DAB1: variants seen among roughly 807,000 people sequenced by gnomAD.
DAB1 encodes DAB adaptor protein 1, also known as disabled homolog 1.
In DAB1, 15 loss-of-function variants were observed where a neutral mutation model predicts 64.6. The ratio of observed to expected loss-of-function variants is 0.23; its 90% CI spans 0.16 to 0.36. The LOEUF (loss-of-function observed/expected upper bound fraction) is 0.36, where lower values mean the gene tolerates loss of function less well. Among genes scored for constraint, DAB1 ranks in the 10% least tolerant of loss-of-function variants. DAB1 has a pLI of 1.00. For missense variants in DAB1, 596 were observed against 706.7 expected (o/e 0.84, Z 1.78); for synonymous variants, 235 against 251.9 (o/e 0.93, Z 0.64).
intron 5 of DAB1, among the ~76,000 whole-genome samples, chr1:58,097,602 G>A (rs564326490): frequency 8.0e-4 from 121 of 152,134 alleles, no homozygotes; most frequent in African/African-American, 2.8e-3. Flanking sequence ...AAATTGAGAG[G>A]TGAGTCTCCC....
intron 1 of DAB1, chr1:57,880,593 G>A (rs958962974): frequency 6.6e-6 from 1 of 152,052 alleles, no homozygotes; most frequent in African/African-American, 2.4e-5. Flanking sequence ...TATTTTGCCT[G>A]GGCTTCTGTC....
At chr1:57,819,084 A>G (rs1357550849) in intron 6 of DAB1, among the ~76,000 whole-genome samples, 1 of 152,198 alleles carries the variant, frequency 6.6e-6, no homozygotes, top group Non-Finnish European at 1.5e-5. Flanking sequence ...CTATATACAT[A>G]TTTGACTATA....
In DAB1 at chr1:58,296,155, A is replaced by AAAGG. The variant is rs1661970303; in HGVS notation, n.309+47196_309+47197insCCTT. Among the ~76,000 whole-genome samples the AAAGG allele has an allele frequency of 1.2e-4, 9 of 73,148 alleles. 1 individual carries two copies. The highest frequency in any genetic ancestry group is 3.1e-4 in the African/African-American group (9 of 29,174). The allele number at this position is 73,148 out of a possible 152,430, so 48.0% of individuals were successfully genotyped here. On this transcript the variant is annotated intron_variant and non_coding_transcript_variant, in intron 4 of 20. Coordinates refer to the DAB1 transcript ENST00000485760. ...AAAAGAAAGAAAGGAAAGAAAGAAAAAAGAAAGAAAGAAAGAAAAAAGAAA... is the reference window on the plus strand; with the variant it reads ...AAAAGAAAGAAAGGAAAGAAAGAAAAAAGGAAGAAAGAAAGAAAGAAAAAAGAAA...
At chr1:58,287,220 C>A (rs1427954571) in intron 4 of DAB1, among the ~76,000 whole-genome samples, 1 of 151,976 alleles carries the variant, frequency 6.6e-6, no homozygotes, top group South Asian at 2.1e-4. Flanking sequence ...GGGCTTAATA[C>A]CTAGGTGATG....
intron 4 of DAB1, among the ~76,000 whole-genome samples, chr1:58,249,515 G>T (rs1350753163): frequency 6.6e-6 from 1 of 152,188 alleles, no homozygotes; most frequent in East Asian, 1.9e-4. Context: ...TGGCGGGAGG[G>T]TTAAAATTAC....
At chr1:57,052,264 TG>T (rs1386804455) in intron 9 of DAB1, among the ~76,000 whole-genome samples, 8 of 152,258 alleles carry the variant, frequency 5.3e-5, no homozygotes, top group African/African-American at 1.9e-4. Context: ...ATATGGTTAG[TG>T]GCTTGGCATT....
intron 3 of DAB1, among the ~76,000 whole-genome samples, chr1:58,476,263 A>T (rs942076916): frequency 2.0e-5 from 3 of 152,162 alleles, no homozygotes; most frequent in African/African-American, 7.2e-5. Flanking sequence ...TGATAACACC[A>T]GAGATCACGT....
At chr1:57,587,666 G>A (rs530610003) in intron 7 of DAB1, among the ~76,000 whole-genome samples, 8 of 152,288 alleles carry the variant, frequency 5.3e-5, no homozygotes, top group South Asian at 2.1e-4. Flanking sequence ...CTGCAGGTCA[G>A]CTTAAATACT....
At chr1:57,144,702 A>G (rs987696984) in intron 3 of DAB1, among the ~76,000 whole-genome samples, 7 of 151,086 alleles carry the variant, frequency 4.6e-5, no homozygotes, top group Non-Finnish European at 1.0e-4. Flanking sequence ...TCAAAAAAAA[A>G]AAAAGAAAAA....
At chr1:57,590,719 A>T (rs532066106) in intron 7 of DAB1, among the ~76,000 whole-genome samples, 1 of 144,984 alleles carries the variant, frequency 6.9e-6, no homozygotes, top group Non-Finnish European at 1.5e-5. Context: ...GTGGGAAGGA[A>T]CACATTGTAG....
At chr1:58,412,762 C>A (rs1017060286) in intron 3 of DAB1, among the ~76,000 whole-genome samples, 1 of 152,210 alleles carries the variant, frequency 6.6e-6, no homozygotes, top group Non-Finnish European at 1.5e-5. Context: ...GAGCACTGGA[C>A]AGGAGGATTC....
chr1:57,311,031 TAGAC>T (rs1558141508), intron 1 of DAB1, among the ~76,000 whole-genome samples: 1 of 151,388 alleles, frequency 6.6e-6, no homozygotes, highest in African/African-American at 2.4e-5. Flanking sequence ...GACAGACAGA[TAGAC>T]AGCCAGATTG....
At chr1:58,455,228 A>G (rs954836299) in intron 3 of DAB1, among the ~76,000 whole-genome samples, 2 of 152,236 alleles carry the variant, frequency 1.3e-5, no homozygotes, top group African/African-American at 4.8e-5. Context: ...ATGACTTGTG[A>G]GCAAATGGAG....
intron 4 of DAB1, among the ~76,000 whole-genome samples, chr1:57,080,454 T>A (rs1652393897): frequency 6.6e-6 from 1 of 152,178 alleles, no homozygotes; most frequent in Non-Finnish European, 1.5e-5. Flanking sequence ...AAAATTTCAT[T>A]AATTTCTTTT....
chr1:57,865,344 C>A (rs891469286), intron 1 of DAB1, among the ~76,000 whole-genome samples: 1 of 152,110 alleles, frequency 6.6e-6, no homozygotes, highest in Non-Finnish European at 1.5e-5. Context: ...AGAATGAAGA[C>A]CACAACTTTT....
chr1:57,113,336 T>C (rs1655829731), intron 4 of DAB1, among the ~76,000 whole-genome samples: 1 of 152,232 alleles, frequency 6.6e-6, no homozygotes, highest in South Asian at 2.1e-4. Flanking sequence ...TTTGAGGCTA[T>C]TTAAGGACTT....
chr1:58,188,099 G>A (rs947253721), intron 4 of DAB1, among the ~76,000 whole-genome samples: 1 of 150,994 alleles, frequency 6.6e-6, no homozygotes, highest in African/African-American at 2.4e-5. Context: ...AGTAGAGATG[G>A]GGTTTCACCA....
intron 2 of DAB1, among the ~76,000 whole-genome samples, chr1:57,240,535 A>C (rs1416309148): frequency 2.0e-5 from 3 of 152,222 alleles, no homozygotes; most frequent in Non-Finnish European, 2.9e-5. Flanking sequence ...CATGAGGATA[A>C]CCAAGGCTCA....
In DAB1 at chr1:58,073,913, C is replaced by A. The variant is rs1649431872; in HGVS notation, n.387+76598G>T. ...CTAAGGGAAGCAGAAGGCCCGGAACCCCTGGGGACATCCTCAGCTATCTTA... is the reference window on the plus strand; with the variant it reads ...CTAAGGGAAGCAGAAGGCCCGGAACACCTGGGGACATCCTCAGCTATCTTA... On this transcript the variant is annotated intron_variant and non_coding_transcript_variant, in intron 5 of 20. Transcript: ENST00000485760. Among the ~76,000 whole-genome samples the A allele has an allele frequency of 1.3e-5, 2 of 152,066 alleles. 1 individual carries two copies. Among genetic ancestry groups the A allele is most frequent in the South Asian group, 4.2e-4 (2 of 4,818 alleles).
Sources: allele counts gnomAD v4.1 joint callset (sites outside exome capture counted in the v4.1 genomes callset), GRCh38; gene constraint gnomAD v4.1.1; transcripts MANE v1.5; gene names NCBI Gene and HGNC (gene_info 2026-07-23, HGNC 2026-07-21).